LRMDA: variants seen among roughly 807,000 people sequenced by gnomAD.
LRMDA encodes the protein leucine-rich melanocyte differentiation-associated protein.
A neutral mutation model predicts 29.8 loss-of-function variants in LRMDA; 18 were observed. That is an observed-to-expected ratio of 0.60 (90% confidence interval 0.42 to 0.90). The LOEUF is 0.90. Ranked by LOEUF, LRMDA falls within the 40% of genes least tolerant of loss-of-function variation. The probability of loss-of-function intolerance (pLI) is 0.00; values close to 1 mark genes in which losing one functional copy is unlikely to be tolerated. For synonymous variants in LRMDA, 125 were observed against 109.4 expected, an observed-to-expected ratio of 1.14 and a Z score of -0.89; for missense variants, 273 against 273.9, an observed-to-expected ratio of 1.00 and a Z score of 0.02.
chr10:75,701,212 G>T (rs1036023271), intron 2 of LRMDA, among the ~76,000 whole-genome samples: 1 of 152,136 alleles, frequency 6.6e-6, no homozygotes, highest in Non-Finnish European at 1.5e-5. Context: ...GCCTGAACGC[G>T]AGAGGCTGTG....
chr10:75,543,062 G>C (rs1840036672), intron 2 of LRMDA, among the ~76,000 whole-genome samples: 1 of 152,192 alleles, frequency 6.6e-6, no homozygotes, highest in African/African-American at 2.4e-5. Flanking sequence ...CGCGAGGCCA[G>C]GGTAGTAATT....
intron 2 of LRMDA, among the ~76,000 whole-genome samples, chr10:75,540,595 A>G (rs951693572): frequency 5.3e-5 from 8 of 152,204 alleles, no homozygotes; most frequent in Non-Finnish European, 7.3e-5. Context: ...CTGGATGCCA[A>G]TATAGGTAAA....
chr10:75,575,979 T>TTTC (rs1840500956), intron 2 of LRMDA, among the ~76,000 whole-genome samples: 2 of 151,726 alleles, frequency 1.3e-5, no homozygotes, highest in Admixed American at 6.6e-5. Context: ...TTTTTTTTTT[T>TTTC]TTCACTCCTC....
At chr10:76,547,886 C>T (rs373827623) in intron 6 of LRMDA, among the ~76,000 whole-genome samples, 8 of 152,234 alleles carry the variant, frequency 5.3e-5, no homozygotes, top group Admixed American at 2.6e-4. Flanking sequence ...TAAGCCCTAC[C>T]TAGAATACAG....
In LRMDA at chr10:75,777,430, A is replaced by T. The variant is rs932871478; in HGVS notation, c.132-258578A>T. On this transcript the variant is annotated intron_variant, in intron 2 of 6. Transcript: ENST00000611255. ...CTTCAGTCTGGCTCCTGTTATTGCT[A>T]ACATGGGTTGCCACTAGCTCTTTTC... 8.5e-5 allele frequency among the ~76,000 whole-genome samples: 13 copies of T among 152,320 alleles called. No individual in the cohort carries two copies. In the East Asian group the frequency reaches 2.5e-3, roughly 29 times the overall value.
intron 2 of LRMDA, among the ~76,000 whole-genome samples, chr10:75,943,203 A>G (rs1846424546): frequency 6.6e-6 from 1 of 151,420 alleles, no homozygotes; most frequent in Admixed American, 6.6e-5. Flanking sequence ...AGAATCTTCC[A>G]GAGTCCACTC....
chr10:75,789,563 CT>C (rs1277910895), intron 2 of LRMDA, among the ~76,000 whole-genome samples: 1 of 152,134 alleles, frequency 6.6e-6, no homozygotes, highest in Non-Finnish European at 1.5e-5. Flanking sequence ...CCAGGAATGT[CT>C]CTAATTCATA....
intron 2 of LRMDA, among the ~76,000 whole-genome samples, chr10:75,595,021 C>T (rs796881946): frequency 1.8e-4 from 27 of 152,096 alleles, no homozygotes; most frequent in African/African-American, 6.5e-4. Flanking sequence ...TTTGTTTCTT[C>T]CTCTATCTCA....
At chr10:76,555,669 G>C (rs1843547274) in intron 6 of LRMDA, among the ~76,000 whole-genome samples, 2 of 149,990 alleles carry the variant, frequency 1.3e-5, no homozygotes, top group African/African-American at 2.5e-5. Flanking sequence ...TTGTAGTGGA[G>C]AAACATCTCT....
At chr10:76,494,818 T>G (rs191125701) in intron 6 of LRMDA, among the ~76,000 whole-genome samples, 2 of 152,078 alleles carry the variant, frequency 1.3e-5, no homozygotes, top group Non-Finnish European at 1.5e-5. Flanking sequence ...GCAATTTGTT[T>G]AAAATATTCT....
At chr10:75,726,557 A>G (rs1461427129) in intron 2 of LRMDA, among the ~76,000 whole-genome samples, 1 of 152,192 alleles carries the variant, frequency 6.6e-6, no homozygotes, top group Non-Finnish European at 1.5e-5. Flanking sequence ...GGCAAAAGGG[A>G]AAAACACTCA....
rs1242576314 is a variant in LRMDA, at chr10:75,828,003, C to A, written c.132-208005C>A. Among the ~76,000 whole-genome samples the A allele has an allele frequency of 2.0e-5, 3 of 152,166 alleles. No homozygotes were observed. In the South Asian group the frequency reaches 6.2e-4, roughly 31 times the overall value. Reference sequence around the variant, plus strand: ...CAATTATCTTTGGGGAACGCAGTAACTTTGCTTGTACATTCCTCAACCCCA... The same window carrying A: ...CAATTATCTTTGGGGAACGCAGTAAATTTGCTTGTACATTCCTCAACCCCA... On this transcript the variant is annotated intron_variant, in intron 2 of 6. Coordinates refer to ENST00000611255, the MANE Select transcript of LRMDA (RefSeq NM_001305581.2).
chr10:76,407,836 C>T (rs1841918136), intron 6 of LRMDA, among the ~76,000 whole-genome samples: 1 of 152,178 alleles, frequency 6.6e-6, no homozygotes, highest in Admixed American at 6.5e-5. Context: ...CAAATTAGAA[C>T]ATTTGTTTTG....
intron 2 of LRMDA, among the ~76,000 whole-genome samples, chr10:75,509,628 C>T (rs1236123320): frequency 2.1e-4 from 32 of 152,186 alleles, no homozygotes; most frequent in Admixed American, 1.8e-3. Context: ...GTGGCAGAAC[C>T]GGGACTAGCA....
chr10:76,233,493 G>A (rs1014688985), intron 5 of LRMDA, among the ~76,000 whole-genome samples: 7 of 152,078 alleles, frequency 4.6e-5, no homozygotes, highest in African/African-American at 1.7e-4. Context: ...CAACAATGAG[G>A]TTTGCCACAT....
intron 2 of LRMDA, among the ~76,000 whole-genome samples, chr10:75,442,673 A>C (rs950382978): frequency 2.0e-5 from 3 of 152,160 alleles, no homozygotes; most frequent in African/African-American, 7.2e-5. Context: ...TATGTTTTGA[A>C]GTCAGGTAGT....
At chr10:75,435,990 G>A (rs1380630851) in intron 1 of LRMDA, among the ~76,000 whole-genome samples, 1 of 150,544 alleles carries the variant, frequency 6.6e-6, no homozygotes, top group Non-Finnish European at 1.5e-5. Context: ...GGAGGCTGAG[G>A]CGAGGGGATT....
chr10:75,787,696 A>G (rs1307184310), intron 2 of LRMDA, among the ~76,000 whole-genome samples: 1 of 152,238 alleles, frequency 6.6e-6, no homozygotes, highest in Non-Finnish European at 1.5e-5. Context: ...ATGTTGTAGC[A>G]AAGTCTGAAG....
At position 76,036,068 on chromosome 10, in the gene LRMDA, G is replaced by T. The variant is rs1211476498; in HGVS notation, c.192G>T (p.Gln64His). ...SLEELILDNN[Q>H]LGDDLVLPGL... The stretch of plus-strand genomic sequence containing the variant: ...AGGAACTCATCTTGGACAACAATCA[G>T]CTGGGGGACGACCTTGTGTTGCCAG... The change falls in exon 3 of 7, where the codon CAG (glutamine) becomes CAT (histidine). Residue 64 changes from glutamine (Q) to histidine (H), a missense_variant. Gln to His is a conservative substitution (Grantham distance 24). Coordinates refer to ENST00000611255, the MANE Select transcript of LRMDA (RefSeq NM_001305581.2). 3.1e-6 allele frequency: 5 copies of T among 1,613,988 alleles called. No homozygotes were observed. Among genetic ancestry groups the T allele is most frequent in the Non-Finnish European group, 4.2e-6 (5 of 1,180,036 alleles).
Sources: allele counts gnomAD v4.1 joint callset (sites outside exome capture counted in the v4.1 genomes callset), GRCh38; gene constraint gnomAD v4.1.1; transcripts MANE v1.5; gene names NCBI Gene and HGNC (gene_info 2026-07-23, HGNC 2026-07-21).